AQR: variants seen among roughly 807,000 people sequenced by gnomAD.
AQR encodes aquarius intron-binding spliceosomal factor, also known as RNA helicase aquarius.
AQR carries 61 observed loss-of-function variants against 180.5 expected under a neutral mutation model. That is an observed-to-expected ratio of 0.34 (90% confidence interval 0.28 to 0.42). The LOEUF is 0.42. Ranked by LOEUF, AQR falls within the 10% of genes least tolerant of loss-of-function variation. The pLI, the probability that AQR is intolerant of heterozygous loss-of-function variation, is 1.00. For synonymous variants in AQR, 551 were observed against 588.8 expected, an observed-to-expected ratio of 0.94 and a Z score of 0.93; for missense variants, 1,281 against 1,798.3, an observed-to-expected ratio of 0.71 and a Z score of 5.20.
At chr15:34,868,189 G>A (rs1892765578) in intron 31 of AQR, 1 of 152,442 alleles carries the variant, frequency 6.6e-6, no homozygotes, top group Admixed American at 6.5e-5. Flanking sequence ...AAATTAGCTG[G>A]GCATGGTGGC....
intron 30 of AQR, 47 bp from the exon 31 acceptor site, chr15:34,870,969 C>A: frequency 6.4e-7 from 1 of 1,566,042 alleles, no homozygotes; most frequent in South Asian, 1.2e-5. Flanking sequence ...GCTTTTGTTT[C>A]AATTTTATAG....
chr15:34,897,550 T>C lies in AQR; in HGVS notation c.2390+9A>G, dbSNP rs1403073447. Reference sequence around the variant, plus strand: ...TCATCATTACAATTATAATAGGTAGTAAAATTACCGTTTGGGTTGATTATA... The same window carrying C: ...TCATCATTACAATTATAATAGGTAGCAAAATTACCGTTTGGGTTGATTATA... On this transcript the variant is annotated intron_variant, in intron 21 of 34. Transcript: ENST00000156471. The C allele has an allele frequency of 6.2e-7, 1 of 1,613,452 alleles. No individual in the cohort carries two copies. The highest frequency in any genetic ancestry group is 8.5e-7 in the Non-Finnish European group (1 of 1,179,574).
chr15:34,897,049 C>G (rs1893256732), intron 21 of AQR, 83 bp from the exon 22 acceptor site: 2 of 1,095,910 alleles, frequency 1.8e-6, no homozygotes, highest in Non-Finnish European at 2.7e-6. Flanking sequence ...GACCAGTGGT[C>G]TAAATATCTG....
chr15:34,898,366 C>T (rs1212629356), intron 20 of AQR, among the ~76,000 whole-genome samples: 1 of 152,124 alleles, frequency 6.6e-6, no homozygotes, highest in Non-Finnish European at 1.5e-5. Context: ...CTTTCACATT[C>T]TAAAAAAATA....
chr15:34,918,099 T>C (rs1043221941), intron 15 of AQR, among the ~76,000 whole-genome samples, 159 bp downstream of exon 15: 1 of 152,182 alleles, frequency 6.6e-6, no homozygotes, highest in African/African-American at 2.4e-5. Context: ...GCATTCAAAA[T>C]ACTAAATCTT....
intron 4 of AQR, 65 bp from the exon 5 acceptor site, chr15:34,948,449 A>C: frequency 1.2e-5 from 18 of 1,517,738 alleles, no homozygotes; most frequent in Non-Finnish European, 1.6e-5. Context: ...TACATAACTC[A>C]CCCAGAAAAG....
At chr15:34,935,803 C>T (rs1893935696) in intron 9 of AQR, among the ~76,000 whole-genome samples, 1 of 152,164 alleles carries the variant, frequency 6.6e-6, no homozygotes, top group African/African-American at 2.4e-5. Context: ...CTGAGACATA[C>T]ATATACAGTC....
rs145708415 is a variant in AQR at position 34,854,507 on chromosome 15, CTGAT to C, written c.*2281_*2284del. On this transcript the variant is annotated 3_prime_UTR_variant, in exon 35 of 35. Transcript: ENST00000156471. ...TAGTTGCCACCCTGGTTAAGTCTCT[CTGAT>C]TGTTTCCTCATTATTTAAAATAAGT... is the stretch of plus-strand genomic sequence containing the variant. 8 of 152,294 alleles carry C rather than the reference CTGAT, an allele frequency of 5.3e-5. No homozygotes were observed. In the East Asian group the frequency reaches 5.8e-4, roughly 11 times the overall value. The allele number at this position is 152,294 out of a possible 1,614,324, so 9.4% of individuals were successfully genotyped here. A position where few individuals can be genotyped will look rare whatever the true frequency, so the allele number is the denominator to read the frequency against.
chr15:34,960,633 AAAGTTTTT>A (rs2050270204), intron 3 of AQR, 133 bp downstream of exon 3: 1 of 481,974 alleles, frequency 2.1e-6, no homozygotes, highest in Non-Finnish European at 3.7e-6. Context: ...TTCAGCACCT[AAAGTTTTT>A]CTAGTCACCA....
chr15:34,853,323 G>A lies in AQR; in HGVS notation c.*3469C>T, dbSNP rs1892541241. 1 of 151,656 alleles carries A rather than the reference G, an allele frequency of 6.6e-6. No individual in the cohort carries two copies. Among genetic ancestry groups the A allele is most frequent in the Admixed American group, 6.6e-5 (1 of 15,226 alleles). The allele number at this position is 151,656 out of a possible 1,614,324, so 9.4% of individuals were successfully genotyped here. ...TACCATCTGAGTGCAAGATAAAAAG[G>A]AAATAGCAATTCAAGGCACAAAGCT... On this transcript the variant is annotated 3_prime_UTR_variant, in exon 35 of 35. Transcript: ENST00000156471.
chr15:34,922,001 G>A (rs1375122530), intron 13 of AQR, among the ~76,000 whole-genome samples: 5 of 152,232 alleles, frequency 3.3e-5, no homozygotes, highest in Middle Eastern at 3.4e-3. Context: ...TGGTAGAGAC[G>A]AGGTTTCACC....
chr15:34,960,808 C>A lies in AQR; in HGVS notation c.139G>T (p.Glu47Ter). The A allele has an allele frequency of 1.1e-6, 1 of 881,836 alleles. No homozygotes were observed. Among genetic ancestry groups the A allele is most frequent in the East Asian group, 3.1e-5 (1 of 31,978 alleles). The allele number at this position is 881,836 out of a possible 1,614,324, so 54.6% of individuals were successfully genotyped here. ...ACAATCTCTTTTTCATATATATCTT[C>A]AATAACCTGTTATAAAAATATAAAA... ...KKSPFDIKVI[E>*]DIYEKEIVKS... is the part of the protein sequence containing the mutation. The change falls in exon 3 of 35, where the codon GAA becomes TAA. Residue 47 changes from glutamate to a stop codon, truncating the protein, a stop_gained. Coordinates refer to ENST00000156471, the MANE Select transcript of AQR (RefSeq NM_014691.3). LOFTEE classifies it high-confidence loss of function.
In AQR at chr15:34,886,385, T is replaced by C. The variant is rs1037853686; in HGVS notation, c.2817+141A>G. 4 of 732,158 alleles carry C rather than the reference T, an allele frequency of 5.5e-6. No homozygotes were observed. In the Admixed American group the frequency reaches 1.4e-4, roughly 26 times the overall value. 45.4% of individuals were successfully genotyped at this position (732,158 alleles called of 1,614,324 possible). ...TAATACAAAATACACTTAACATTCA[T>C]AAATATAGCACTTGCAATACCATAC... On this transcript the variant is annotated intron_variant, in intron 25 of 34. Coordinates refer to ENST00000156471, the MANE Select transcript of AQR (RefSeq NM_014691.3).
rs557017246 is a variant in AQR at position 34,852,745 on chromosome 15, T to C, written c.*4047A>G. The C allele has an allele frequency of 8.5e-5, 13 of 152,328 alleles. No homozygotes were observed. The highest frequency in any genetic ancestry group is 2.6e-4 in the African/African-American group (11 of 41,572). 9.4% of individuals were successfully genotyped at this position (152,328 alleles called of 1,614,324 possible). ...ACTGTTTCCCAAACTTATCTGACCA[T>C]AGAACATATTTCTCAGAGTATTTTT... is the stretch of plus-strand genomic sequence containing the variant. On this transcript the variant is annotated 3_prime_UTR_variant, in exon 35 of 35. Coordinates refer to ENST00000156471, the MANE Select transcript of AQR (RefSeq NM_014691.3).
chr15:34,881,085 G>C (rs1269595370), intron 27 of AQR, among the ~76,000 whole-genome samples: 2 of 152,134 alleles, frequency 1.3e-5, no homozygotes, highest in African/African-American at 4.8e-5. Context: ...ACAGGCAAAA[G>C]CTCCATGAAA....
intron 1 of AQR, among the ~76,000 whole-genome samples, chr15:34,967,703 G>T (rs2050317268): frequency 6.6e-6 from 1 of 152,132 alleles, no homozygotes; most frequent in African/African-American, 2.4e-5. Flanking sequence ...GAGTTAGAAA[G>T]GAAGAGGAAA....
intron 9 of AQR, among the ~76,000 whole-genome samples, chr15:34,935,835 G>C (rs750369432): frequency 6.6e-6 from 1 of 152,178 alleles, no homozygotes; most frequent in Non-Finnish European, 1.5e-5. Flanking sequence ...CAATTTAAAG[G>C]AGCAATTTTT....
At chr15:34,925,832 C>CA (rs1047367162) in intron 13 of AQR, among the ~76,000 whole-genome samples, 75 of 147,860 alleles carry the variant, frequency 5.1e-4, no homozygotes, top group South Asian at 1.9e-3. Flanking sequence ...GACTCCGTCT[C>CA]AAAAAAAACA....
intron 2 of AQR, 120 bp downstream of exon 2, chr15:34,964,113 AT>A: frequency 1.4e-6 from 1 of 727,586 alleles, no homozygotes; most frequent in Non-Finnish European, 2.3e-6. Context: ...AAAAAATTGT[AT>A]TTTTTGTAGA....
Sources: allele counts gnomAD v4.1 joint callset (sites outside exome capture counted in the v4.1 genomes callset), GRCh38; gene constraint gnomAD v4.1.1; transcripts MANE v1.5; gene names NCBI Gene and HGNC (gene_info 2026-07-23, HGNC 2026-07-21).